ATP10B: variants seen among roughly 807,000 people sequenced by gnomAD.
ATP10B encodes the protein phospholipid-transporting ATPase VB.
Under a neutral mutation model 141.2 loss-of-function variants are expected in ATP10B, and 122 were observed. The observed-to-expected ratio is 0.86, with a 90% CI of 0.75 to 1.00. The LOEUF (loss-of-function observed/expected upper bound fraction) is 1.00. ATP10B is among the 50% of genes least tolerant of loss of function. ATP10B has a pLI of 0.00. For synonymous variants in ATP10B, 685 were observed against 692.0 expected (o/e 0.99, Z 0.16); for missense variants, 1,876 against 1,825.3 (o/e 1.03, Z -0.51).
At chr5:160,571,137 T>C (rs1187297234) in intron 24 of ATP10B, among the ~76,000 whole-genome samples, 1 of 152,160 alleles carries the variant, frequency 6.6e-6, no homozygotes, top group African/African-American at 2.4e-5. Flanking sequence ...CACAGTCTTT[T>C]CAAAGATTGC....
At chr5:160,902,963 G>A in the ATP10B span, among the ~76,000 whole-genome samples, 91 of 152,324 alleles carry the variant, frequency 6.0e-4, 1 homozygote, top group East Asian at 0.016. Flanking sequence ...GTGCACGTGA[G>A]AACCTGCTAG....
intron 6 of ATP10B, chr5:160,684,799 C>T: frequency 1.5e-6 from 1 of 652,876 alleles, no homozygotes; most frequent in Non-Finnish European, 2.8e-6. Flanking sequence ...AAAGATCAGG[C>T]TGGGCCCAAG....
At chr5:160,577,781 A>G (rs530691622) in intron 24 of ATP10B, among the ~76,000 whole-genome samples, 3 of 152,074 alleles carry the variant, frequency 2.0e-5, no homozygotes, top group East Asian at 3.8e-4. Context: ...ATAACTTGTC[A>G]GAGAACATAA....
intron 7 of ATP10B, among the ~76,000 whole-genome samples, chr5:160,653,543 TACATACATATATACATATATATTAC>T (rs1283306150): frequency 2.2e-5 from 3 of 136,618 alleles, no homozygotes; most frequent in East Asian, 2.1e-4. Flanking sequence ...TACATATACA[TACATACATATATACATATATATTAC>T]ATATACATAT....
intron 1 of ATP10B, among the ~76,000 whole-genome samples, chr5:160,837,640 A>G (rs1214959626): frequency 6.8e-6 from 1 of 146,708 alleles, no homozygotes; most frequent in African/African-American, 2.5e-5. Context: ...GTTCTCTCTG[A>G]AGTTAATAAT....
intron 1 of ATP10B, among the ~76,000 whole-genome samples, chr5:160,793,719 C>T (rs1242383120): frequency 2.6e-5 from 4 of 152,234 alleles, no homozygotes; most frequent in Admixed American, 6.5e-5. Context: ...CACATTCACT[C>T]ACCACTCATT....
the ATP10B span, among the ~76,000 whole-genome samples, chr5:160,868,521 T>TAAACAC: frequency 7.7e-6 from 1 of 130,322 alleles, no homozygotes; most frequent in East Asian, 2.3e-4. Flanking sequence ...TATGAACAGA[T>TAAACAC]ACACACACAC....
At chr5:160,766,830 C>T (rs543968281) in intron 2 of ATP10B, among the ~76,000 whole-genome samples, 9 of 152,208 alleles carry the variant, frequency 5.9e-5, no homozygotes, top group East Asian at 1.9e-4. Flanking sequence ...AAAAATATTA[C>T]GTTTTCTTTA....
chr5:160,594,766 C>G (rs1756564682), intron 22 of ATP10B, among the ~76,000 whole-genome samples: 1 of 151,534 alleles, frequency 6.6e-6, no homozygotes, highest in African/African-American at 2.4e-5. Context: ...AGACTTTAAA[C>G]CAACAAAGAT....
chr5:160,589,415 T>C (rs1756126592), intron 24 of ATP10B, among the ~76,000 whole-genome samples, 177 bp downstream of exon 24: 2 of 152,370 alleles, frequency 1.3e-5, no homozygotes, highest in Non-Finnish European at 2.9e-5. Flanking sequence ...AGCAAGTTGA[T>C]TCCAGAATTT....
At chr5:160,757,222 T>C (rs1384968656) in intron 2 of ATP10B, among the ~76,000 whole-genome samples, 1 of 152,246 alleles carries the variant, frequency 6.6e-6, no homozygotes, top group Non-Finnish European at 1.5e-5. Flanking sequence ...TGAACTGCTG[T>C]GGTACCTTTG....
chr5:160,687,184 G>A (rs889922183), intron 5 of ATP10B: 1 of 152,544 alleles, frequency 6.6e-6, no homozygotes, highest in East Asian at 1.9e-4. Context: ...AGTATCTATT[G>A]TAGTTACAAC....
chr5:160,776,660 G>A (rs1418633669), intron 2 of ATP10B, among the ~76,000 whole-genome samples: 1 of 152,200 alleles, frequency 6.6e-6, no homozygotes, highest in East Asian at 1.9e-4. Flanking sequence ...GATAAAGCAG[G>A]AACTCAAAAT....
intron 3 of ATP10B, among the ~76,000 whole-genome samples, chr5:160,702,464 A>G (rs1328061471): frequency 6.6e-6 from 1 of 152,250 alleles, no homozygotes; most frequent in Non-Finnish European, 1.5e-5. Flanking sequence ...TATAAATGAC[A>G]CTTATTCATG....
chr5:160,693,318 G>A (rs13169627), intron 3 of ATP10B, among the ~76,000 whole-genome samples: 264 of 150,478 alleles, frequency 1.8e-3, no homozygotes, highest in Admixed American at 3.1e-3. Flanking sequence ...TTATATTGTG[G>A]TTATACATAA....
Position 160,634,399 on chromosome 5 carries a change from G to A in ATP10B, c.1336C>T (p.Arg446Ter), listed in dbSNP as rs1276581275. The part of the protein sequence containing the change: ...GTLTENKMVF[R>*]RCTIMGSEYS... Reference sequence around the variant, plus strand: ...TCGCTGCCCATGATGGTGCAACGTCGGAACACCATCTTGTTCTCTGTCAGG... The same window carrying A: ...TCGCTGCCCATGATGGTGCAACGTCAGAACACCATCTTGTTCTCTGTCAGG... The change falls in exon 12 of 26, where the codon CGA becomes TGA. Residue 446 changes from arginine (R) to a stop codon, truncating the protein, a stop_gained. Transcript: ENST00000327245. LOFTEE classifies it high-confidence loss of function. The A allele has an allele frequency of 8.7e-6, 14 of 1,614,012 alleles. No homozygotes were observed. The highest frequency in any genetic ancestry group is 5.3e-5 in the African/African-American group (4 of 74,892).
chr5:160,625,711 C>T (rs1251909502), intron 13 of ATP10B, among the ~76,000 whole-genome samples: 1 of 152,130 alleles, frequency 6.6e-6, no homozygotes, highest in Non-Finnish European at 1.5e-5. Context: ...GTTATTTAGT[C>T]CATTTTCATT....
intron 12 of ATP10B, 65 bp from the exon 13 acceptor site, chr5:160,632,432 T>C (rs1759001579): frequency 4.0e-6 from 6 of 1,500,616 alleles, no homozygotes; most frequent in East Asian, 2.3e-5. Context: ...GGGGAAAACC[T>C]AGACTTTGTG....
chr5:160,826,423 T>G (rs1201992374), intron 1 of ATP10B, among the ~76,000 whole-genome samples: 4 of 152,228 alleles, frequency 2.6e-5, no homozygotes, highest in Non-Finnish European at 2.9e-5. Context: ...TTCTTATGCC[T>G]GTCTTACTTT....
Sources: gnomAD v4.1 joint callset for allele counts (sites outside exome capture counted in the v4.1 genomes callset) on GRCh38, gnomAD v4.1.1 for gene constraint, MANE v1.5 for transcripts, NCBI Gene and HGNC (gene_info 2026-07-23, HGNC 2026-07-21) for gene names.